The following SBF2 variants were observed in gnomAD, a reference collection of about 807,000 sequenced individuals.
SBF2 encodes the protein SET binding factor 2.
SBF2 carries 112 observed loss-of-function variants against 225.2 expected under a neutral mutation model. That is an observed-to-expected ratio of 0.50 (90% CI 0.43 to 0.58). SBF2 has a LOEUF of 0.58. SBF2 is among the 20% of genes least tolerant of loss of function. The probability of loss-of-function intolerance (pLI) is 0.00; values close to 1 mark genes in which losing one functional copy is unlikely to be tolerated. For missense variants in SBF2, 1,996 were observed against 2,206.2 expected, an observed-to-expected ratio of 0.90 and a Z score of 1.91; for synonymous variants, 763 against 773.3, an observed-to-expected ratio of 0.99 and a Z score of 0.22.
intron 13 of SBF2, among the ~76,000 whole-genome samples, chr11:9,977,594 C>T (rs1216712221): frequency 6.6e-6 from 1 of 152,074 alleles, no homozygotes; most frequent in Admixed American, 6.6e-5. Flanking sequence ...TAGGCCAACT[C>T]CTACATTATG....
At chr11:9,796,885 C>CTA (rs1261565584) in intron 32 of SBF2, among the ~76,000 whole-genome samples, 1 of 152,134 alleles carries the variant, frequency 6.6e-6, no homozygotes, top group African/African-American at 2.4e-5. Context: ...GGTCATTGAG[C>CTA]TATAGCATGC....
intron 6 of SBF2, among the ~76,000 whole-genome samples, chr11:10,025,106 G>A (rs1399200275): frequency 1.3e-5 from 2 of 151,908 alleles, no homozygotes. Flanking sequence ...TGGTCCTCAC[G>A]TTTCTGGTTA....
chr11:10,266,381 C>A (rs1253387001), intron 1 of SBF2, among the ~76,000 whole-genome samples: 1 of 152,164 alleles, frequency 6.6e-6, no homozygotes, highest in African/African-American at 2.4e-5. Flanking sequence ...CTAGGAGACA[C>A]TGATCACTAT....
chr11:9,804,195 T>C (rs1317925292), intron 32 of SBF2, among the ~76,000 whole-genome samples: 4 of 151,976 alleles, frequency 2.6e-5, no homozygotes, highest in Admixed American at 1.3e-4. Flanking sequence ...CAGACACAAC[T>C]GGGTTAGTGG....
intron 1 of SBF2, among the ~76,000 whole-genome samples, chr11:10,269,510 T>C (rs1415460515): frequency 6.6e-6 from 1 of 152,184 alleles, no homozygotes; most frequent in Non-Finnish European, 1.5e-5. Flanking sequence ...AACATACATA[T>C]CCTTGACCCG....
intron 1 of SBF2, among the ~76,000 whole-genome samples, chr11:10,285,775 CTTTG>C (rs1963718901): frequency 1.3e-5 from 2 of 152,156 alleles, no homozygotes; most frequent in South Asian, 2.1e-4. Flanking sequence ...TCTGTCATTG[CTTTG>C]TTTGTGCATT....
At chr11:10,197,873 C>T (rs760951571) in intron 1 of SBF2, among the ~76,000 whole-genome samples, 31 of 152,214 alleles carry the variant, frequency 2.0e-4, no homozygotes, top group Admixed American at 8.5e-4. Flanking sequence ...AGAAGCAAAG[C>T]TTCATCTGTT....
intron 2 of SBF2, among the ~76,000 whole-genome samples, chr11:10,170,348 C>T (rs1956135818): frequency 6.6e-6 from 1 of 152,002 alleles, no homozygotes; most frequent in African/African-American, 2.4e-5. Flanking sequence ...CTGCTATGGA[C>T]ATCCAGTTTC....
At chr11:10,257,571 GAGA>G (rs1274290328) in intron 1 of SBF2, among the ~76,000 whole-genome samples, 2 of 147,054 alleles carry the variant, frequency 1.4e-5, no homozygotes, top group African/African-American at 2.5e-5. Flanking sequence ...AGGCTAAGGT[GAGA>G]AGATCACCTG....
chr11:9,807,533 T>C (rs1208837039), intron 32 of SBF2, among the ~76,000 whole-genome samples: 1 of 152,204 alleles, frequency 6.6e-6, no homozygotes, highest in Non-Finnish European at 1.5e-5. Flanking sequence ...TTTCTCCATG[T>C]GGTAGAAGTG....
chr11:10,174,666 C>A (rs1310090173), intron 2 of SBF2, among the ~76,000 whole-genome samples: 2 of 152,076 alleles, frequency 1.3e-5, no homozygotes, highest in Non-Finnish European at 2.9e-5. Flanking sequence ...GAGAACGCCA[C>A]AAAGATACTC....
At chr11:9,952,812 T>C (rs1172916898) in intron 16 of SBF2, among the ~76,000 whole-genome samples, 1 of 152,224 alleles carries the variant, frequency 6.6e-6, no homozygotes, top group African/African-American at 2.4e-5. Context: ...TCACAGGCTC[T>C]TTCCTGCATA....
At position 10,063,858 on chromosome 11, in the gene SBF2, C is replaced by CACAG. The variant is rs373423157; in HGVS notation, c.142-20878_142-20877insCTGT. 3.4e-3 allele frequency among the ~76,000 whole-genome samples: 464 copies of CACAG among 136,220 alleles called. 5 individuals are homozygous for CACAG. Among genetic ancestry groups the CACAG allele is most frequent in the East Asian group, 0.025 (115 of 4,514 alleles). The allele number at this position is 136,220 out of a possible 152,430, so 89.4% of individuals were successfully genotyped here. A position where few individuals can be genotyped will look rare whatever the true frequency, so the allele number is the denominator to read the frequency against. On this transcript the variant is annotated intron_variant, in intron 2 of 39. Coordinates refer to ENST00000256190, the MANE Select transcript of SBF2 (RefSeq NM_030962.4). ...ACACACACACACACACACACACACACAGAGAGAGAGAGAGAGAGAGAGAAA... is the reference window on the plus strand; with the variant it reads ...ACACACACACACACACACACACACACACAGAGAGAGAGAGAGAGAGAGAGAGAAA...
chr11:9,837,329 G>T (rs767136206), intron 26 of SBF2, among the ~76,000 whole-genome samples: 5 of 152,168 alleles, frequency 3.3e-5, no homozygotes, highest in Non-Finnish European at 5.9e-5. Flanking sequence ...CTTTTGCTGA[G>T]AGCTTTTTTC....
chr11:9,824,561 C>CAA (rs112827651), intron 28 of SBF2, among the ~76,000 whole-genome samples: 6 of 61,816 alleles, frequency 9.7e-5, no homozygotes, highest in African/African-American at 1.2e-4. Context: ...GACTCCATCT[C>CAA]AAAAAAAAAA....
chr11:9,841,958 ACTGATTCTAAGAT>A, intron 25 of SBF2, among the ~76,000 whole-genome samples: 2 of 152,230 alleles, frequency 1.3e-5, no homozygotes, highest in East Asian at 3.9e-4. Context: ...ACCACCGGTG[ACTGATTCTAAGAT>A]CCTGAGGGGA....
intron 2 of SBF2, among the ~76,000 whole-genome samples, chr11:10,044,172 T>A: frequency 7.0e-6 from 1 of 141,856 alleles, no homozygotes. Context: ...AAACAGAAAA[T>A]CAGTAGAGAA....
At chr11:9,873,963 C>T (rs1459957589) in intron 17 of SBF2, among the ~76,000 whole-genome samples, 2 of 152,132 alleles carry the variant, frequency 1.3e-5, no homozygotes, top group Admixed American at 6.6e-5. Flanking sequence ...GCAAGAGAAT[C>T]GCTTGAACCC....
At chr11:10,150,804 A>ATT (rs1026357876) in intron 2 of SBF2, among the ~76,000 whole-genome samples, 1 of 151,362 alleles carries the variant, frequency 6.6e-6, no homozygotes, top group African/African-American at 2.4e-5. Flanking sequence ...GCATTTAGTT[A>ATT]TTTTTTTTTC....
Sources: gnomAD v4.1 joint callset for allele counts (sites outside exome capture counted in the v4.1 genomes callset) on GRCh38, gnomAD v4.1.1 for gene constraint, MANE v1.5 for transcripts, NCBI Gene and HGNC (gene_info 2026-07-23, HGNC 2026-07-21) for gene names.